Variants in CCNY observed in about 807,000 individuals in gnomAD.
CCNY encodes the protein cyclin Y, also known as cyclin-Y.
Under a neutral mutation model 42.8 loss-of-function variants are expected in CCNY, and 19 were observed. That is an observed-to-expected ratio of 0.44 (90% CI 0.31 to 0.65). The LOEUF is 0.65. CCNY is among the 30% of genes least tolerant of loss of function. The pLI is 0.07. For missense variants in CCNY, 370 were observed against 437.3 expected, an observed-to-expected ratio of 0.85 and a Z score of 1.37; for synonymous variants, 165 against 162.7, an observed-to-expected ratio of 1.01 and a Z score of -0.11.
chr10:35,477,775 A>C (rs371565978), intron 1 of CCNY, among the ~76,000 whole-genome samples: 2,725 of 152,240 alleles, frequency 0.018, 66 homozygotes, highest in East Asian at 0.056. Flanking sequence ...ATAGTGTTGG[A>C]AGTTCTGGCC....
chr10:35,477,016 C>G (rs1472538351), intron 1 of CCNY, among the ~76,000 whole-genome samples: 3 of 152,182 alleles, frequency 2.0e-5, no homozygotes, highest in African/African-American at 7.2e-5. Flanking sequence ...CACCTCTATG[C>G]AAATAAACTA....
rs1029898175 is a variant in CCNY, at chr10:35,397,455, A to T, written c.154+60248A>T. 3.9e-5 allele frequency among the ~76,000 whole-genome samples: 6 copies of T among 152,142 alleles called. 1 individual carries two copies. The highest frequency in any genetic ancestry group is 7.3e-5 in the Non-Finnish European group (5 of 68,032). On this transcript the variant is annotated intron_variant, in intron 1 of 9. Transcript: ENST00000374704. ...GGTAGCTTGTCGCAGACCCTACCTT[A>T]GAGGTACTCAGTTACTTTGGAGGGC...
At chr10:35,260,137 T>G (rs1304550661) in intron 3 of CCNY, among the ~76,000 whole-genome samples, 1 of 152,150 alleles carries the variant, frequency 6.6e-6, no homozygotes, top group East Asian at 1.9e-4. Context: ...TTTTCTCTCT[T>G]TTCTCCTCTC....
intron 3 of CCNY, among the ~76,000 whole-genome samples, chr10:35,294,691 T>C (rs1835450463): frequency 6.6e-6 from 1 of 152,246 alleles, no homozygotes; most frequent in African/African-American, 2.4e-5. Flanking sequence ...TTTACATCTA[T>C]ACTCCACAGA....
intron 1 of CCNY, among the ~76,000 whole-genome samples, chr10:35,476,554 G>T (rs1839515372): frequency 6.6e-6 from 1 of 151,832 alleles, no homozygotes; most frequent in African/African-American, 2.4e-5. Context: ...ATAACGAAAT[G>T]AAGGCAGAAA....
chr10:35,557,640 C>T (rs972693319), intron 8 of CCNY, among the ~76,000 whole-genome samples: 1 of 152,126 alleles, frequency 6.6e-6, no homozygotes, highest in African/African-American at 2.4e-5. Context: ...CCTGTAGTCC[C>T]AGCTACTCAG....
intron 3 of CCNY, among the ~76,000 whole-genome samples, chr10:35,299,862 A>G (rs1340660530): frequency 6.6e-6 from 1 of 151,970 alleles, no homozygotes; most frequent in Non-Finnish European, 1.5e-5. Flanking sequence ...GGATTAGTTG[A>G]GTATTTTTCA....
intron 1 of CCNY, among the ~76,000 whole-genome samples, chr10:35,425,408 T>C (rs1454280198): frequency 2.0e-5 from 3 of 152,208 alleles, no homozygotes; most frequent in Non-Finnish European, 4.4e-5. Context: ...ATTTCCACTT[T>C]ACAGAGTTTA....
rs570914308 is a variant in CCNY at position 35,336,844 on chromosome 10, TCGC to T, written c.-190_-188del. On this transcript the variant is annotated 5_prime_UTR_variant, in exon 1 of 10. Coordinates refer to ENST00000374704, the MANE Select transcript of CCNY (RefSeq NM_145012.6). ...GGGAGCCGGGGCCGTCGCCCGCTCG[TCGC>T]CGCCGCCGCCGCCGCCGCCCATGGC... 9.8e-3 allele frequency: 1,473 copies of T among 149,590 alleles called. 23 individuals are homozygous for T. Among genetic ancestry groups the T allele is most frequent in the African/African-American group, 0.034 (1,369 of 40,384 alleles). 9.3% of individuals were successfully genotyped at this position (149,590 alleles called of 1,614,324 possible). A position where few individuals can be genotyped will look rare whatever the true frequency, so the allele number is the denominator to read the frequency against.
intron 3 of CCNY, among the ~76,000 whole-genome samples, chr10:35,323,411 C>A (rs1388860431): frequency 1.3e-5 from 2 of 152,108 alleles, no homozygotes; most frequent in Non-Finnish European, 2.9e-5. Flanking sequence ...GGTATATAAA[C>A]AAATTGTGGT....
chr10:35,257,403 G>C (rs7081597), intron 3 of CCNY, among the ~76,000 whole-genome samples: 54,263 of 150,184 alleles, frequency 0.36, 10,194 homozygotes, highest in African/African-American at 0.47. Context: ...TCAGTCTCCT[G>C]AGCAACCAGG....
intron 1 of CCNY, among the ~76,000 whole-genome samples, chr10:35,381,309 C>T (rs561533898): frequency 6.6e-6 from 1 of 152,236 alleles, no homozygotes; most frequent in African/African-American, 2.4e-5. Context: ...CCTGTAATCC[C>T]AGCACTTTGG....
chr10:35,502,434 T>C (rs932872796), intron 3 of CCNY, among the ~76,000 whole-genome samples: 4 of 152,254 alleles, frequency 2.6e-5, no homozygotes, highest in African/African-American at 9.6e-5. Flanking sequence ...TTAAAGAGAC[T>C]TAAAGCCATA....
chr10:35,536,534 A>T (rs1473524545), intron 7 of CCNY, among the ~76,000 whole-genome samples: 1 of 152,184 alleles, frequency 6.6e-6, no homozygotes, highest in Non-Finnish European at 1.5e-5. Flanking sequence ...AACTTACTAG[A>T]GACTTGTTGA....
At chr10:35,558,029 A>G (rs1261625405) in intron 8 of CCNY, among the ~76,000 whole-genome samples, 2 of 152,170 alleles carry the variant, frequency 1.3e-5, no homozygotes, top group African/African-American at 4.8e-5. Flanking sequence ...CAGTTTTTGA[A>G]TTATATGCTA....
chr10:35,281,935 C>G (rs1835302729), intron 3 of CCNY, among the ~76,000 whole-genome samples: 1 of 152,074 alleles, frequency 6.6e-6, no homozygotes, highest in Non-Finnish European at 1.5e-5. Context: ...CTGCATATTT[C>G]TTAATCTCAT....
intron 1 of CCNY, among the ~76,000 whole-genome samples, chr10:35,363,101 C>G (rs1836728588): frequency 6.6e-6 from 1 of 150,420 alleles, no homozygotes; most frequent in Admixed American, 6.6e-5. Context: ...CCTCACTTCC[C>G]AGCTTGTGAG....
At chr10:35,383,235 C>T (rs539773779) in intron 1 of CCNY, among the ~76,000 whole-genome samples, 14 of 151,932 alleles carry the variant, frequency 9.2e-5, no homozygotes, top group South Asian at 8.3e-4. Flanking sequence ...AGAATAATGA[C>T]GTTGAATCAA....
chr10:35,483,969 A>G (rs544833922), intron 2 of CCNY, among the ~76,000 whole-genome samples: 1 of 152,272 alleles, frequency 6.6e-6, no homozygotes, highest in African/African-American at 2.4e-5. Flanking sequence ...AATAACAACC[A>G]TATCTAAGTT....
Sources: gnomAD v4.1 joint callset for allele counts (sites outside exome capture counted in the v4.1 genomes callset) on GRCh38, gnomAD v4.1.1 for gene constraint, MANE v1.5 for transcripts, NCBI Gene and HGNC (gene_info 2026-07-23, HGNC 2026-07-21) for gene names.